PLEKHA2: variants seen among roughly 807,000 people sequenced by gnomAD.
The protein encoded by PLEKHA2 is pleckstrin homology domain containing A2, also known as pleckstrin homology domain-containing family A member 2.
A neutral mutation model predicts 53.2 loss-of-function variants in PLEKHA2; 28 were observed. The ratio of observed to expected loss-of-function variants is 0.53; its 90% CI spans 0.39 to 0.72. PLEKHA2 has a LOEUF of 0.72. Ranked by LOEUF, PLEKHA2 falls within the 30% of genes least tolerant of loss-of-function variation. The pLI is 0.00. For synonymous variants in PLEKHA2, 193 were observed against 196.4 expected (o/e 0.98, Z 0.14); for missense variants, 426 against 537.9 (o/e 0.79, Z 2.06).
Position 38,918,455 on chromosome 8 carries a change from C to A in PLEKHA2, c.141+385C>A, listed in dbSNP as rs1404891122. Among the ~76,000 whole-genome samples the A allele has an allele frequency of 4.6e-5, 3 of 65,460 alleles. No individual in the cohort carries two copies. The East Asian group carries it at 1.5e-3, about 33-fold the overall frequency. 42.9% of individuals were successfully genotyped at this position (65,460 alleles called of 152,430 possible). On this transcript the variant is annotated intron_variant, in intron 2 of 11. Coordinates refer to ENST00000617275, the MANE Select transcript of PLEKHA2 (RefSeq NM_021623.2). ...ACCATACACACACACAACCCATACA[C>A]CATACACACATGCACACACGACACA...
chr8:38,917,773 G>A, intron 1 of PLEKHA2, 134 bp from the exon 2 acceptor site: 1 of 990,788 alleles, frequency 1.0e-6, no homozygotes, highest in Non-Finnish European at 1.5e-6. Flanking sequence ...CCAGGGTCTG[G>A]GATGGAACAT....
intron 1 of PLEKHA2, among the ~76,000 whole-genome samples, chr8:38,914,667 C>A (rs901374266): frequency 6.6e-6 from 1 of 152,226 alleles, no homozygotes; most frequent in African/African-American, 2.4e-5. Context: ...CTTTGGGATC[C>A]CTTGTGGGAC....
At chr8:38,935,288 C>T (rs937980680) in intron 2 of PLEKHA2, among the ~76,000 whole-genome samples, 13 of 152,120 alleles carry the variant, frequency 8.5e-5, no homozygotes, top group African/African-American at 2.4e-4. Flanking sequence ...GGATTACAGA[C>T]GTGAGCCACT....
intron 3 of PLEKHA2, among the ~76,000 whole-genome samples, chr8:38,943,481 A>G (rs986467682): frequency 4.6e-5 from 7 of 152,036 alleles, no homozygotes; most frequent in Non-Finnish European, 8.8e-5. Context: ...GTGAGACCCT[A>G]TATCTAAATA....
chr8:38,953,407 A>G (rs1252395282), intron 9 of PLEKHA2, 40 bp downstream of exon 9: 3 of 1,529,360 alleles, frequency 2.0e-6, no homozygotes, highest in Non-Finnish European at 2.7e-6. Flanking sequence ...CCAAACCTCC[A>G]TTTGTCCTCT....
At chr8:38,967,730 C>T (rs1393249772) in intron 10 of PLEKHA2, among the ~76,000 whole-genome samples, 5 of 149,216 alleles carry the variant, frequency 3.4e-5, no homozygotes, top group Non-Finnish European at 7.4e-5. Flanking sequence ...GGTGTGATCT[C>T]GGCTCACTGC....
At chr8:38,945,767 G>A (rs1413990005) in intron 4 of PLEKHA2, among the ~76,000 whole-genome samples, 5 of 152,148 alleles carry the variant, frequency 3.3e-5, no homozygotes, top group African/African-American at 1.2e-4. Context: ...TGTATATACC[G>A]TGATGACAGT....
chr8:38,962,014 G>A (rs1416943537), intron 10 of PLEKHA2, among the ~76,000 whole-genome samples: 2 of 152,222 alleles, frequency 1.3e-5, no homozygotes, highest in Non-Finnish European at 2.9e-5. Flanking sequence ...ACTATAAGTA[G>A]TATAAGTTTA....
At chr8:38,953,490 CTAACACCTTG>C (rs1449061307) in intron 9 of PLEKHA2, 123 bp downstream of exon 9, 5 of 1,004,822 alleles carry the variant, frequency 5.0e-6, no homozygotes, top group Non-Finnish European at 7.7e-6. Flanking sequence ...GCACAGGAGC[CTAACACCTTG>C]TGGCTGACTC....
At chr8:38,924,479 G>A (rs760089753) in intron 2 of PLEKHA2, among the ~76,000 whole-genome samples, 12 of 152,224 alleles carry the variant, frequency 7.9e-5, no homozygotes, top group Admixed American at 1.3e-4. Flanking sequence ...TGTGAACTCA[G>A]GTGGAGGTCT....
intron 5 of PLEKHA2, chr8:38,950,551 T>G (rs1834813794): frequency 3.8e-6 from 1 of 266,122 alleles, no homozygotes; most frequent in East Asian, 7.3e-5. Context: ...GCCGTGAAGG[T>G]GGGGACCCAC....
chr8:38,947,530 G>T (rs1834737773), intron 5 of PLEKHA2, among the ~76,000 whole-genome samples: 1 of 152,198 alleles, frequency 6.6e-6, no homozygotes, highest in African/African-American at 2.4e-5. Context: ...GGCTGAGGCA[G>T]GAGGATCACT....
rs551668042 is a variant in PLEKHA2 at position 38,958,812 on chromosome 8, G to A, written c.837+1426G>A. Among the ~76,000 whole-genome samples the A allele has an allele frequency of 2.6e-4, 40 of 152,234 alleles. 1 individual carries two copies. Among genetic ancestry groups the A allele is most frequent in the African/African-American group, 9.1e-4 (38 of 41,534 alleles). ...GTGCTGGGCATTTTGTCTCAGGCTGGGGACACCAGGTTAAACAGAACAGAT... is the reference window on the plus strand; with the variant it reads ...GTGCTGGGCATTTTGTCTCAGGCTGAGGACACCAGGTTAAACAGAACAGAT... On this transcript the variant is annotated intron_variant, in intron 10 of 11. Transcript: ENST00000617275.
At chr8:38,934,174 T>A (rs961872440) in intron 2 of PLEKHA2, among the ~76,000 whole-genome samples, 1 of 151,672 alleles carries the variant, frequency 6.6e-6, no homozygotes, top group Non-Finnish European at 1.5e-5. Context: ...ATATATATAA[T>A]GTTTTTATAG....
chr8:38,942,685 A>T (rs576901563), intron 3 of PLEKHA2, among the ~76,000 whole-genome samples: 1 of 152,112 alleles, frequency 6.6e-6, no homozygotes, highest in Non-Finnish European at 1.5e-5. Context: ...TCCATCAAGG[A>T]TTGTCCCTAA....
In PLEKHA2 at chr8:38,935,983, G is replaced by A. The variant is rs1396773219; in HGVS notation, c.142-11G>A. 2 of 1,612,984 alleles carry A rather than the reference G, an allele frequency of 1.2e-6. No individual in the cohort carries two copies. The highest frequency in any genetic ancestry group is 1.3e-5 in the African/African-American group (1 of 75,016). On this transcript the variant is annotated splice_polypyrimidine_tract_variant and intron_variant, in intron 2 of 11. Coordinates refer to ENST00000617275, the MANE Select transcript of PLEKHA2 (RefSeq NM_021623.2). ...ACAGCCTTCTTAAAATGAAAACTAT[G>A]TGTCTTTCAGAATCTGGCAATGGGG...
intron 1 of PLEKHA2, among the ~76,000 whole-genome samples, chr8:38,917,608 T>G (rs1834083268): frequency 6.6e-6 from 1 of 152,158 alleles, no homozygotes; most frequent in Non-Finnish European, 1.5e-5. Context: ...TATCCAGAAC[T>G]GGAATTTGAA....
chr8:38,949,667 A>G (rs1834789042), intron 5 of PLEKHA2, among the ~76,000 whole-genome samples: 1 of 152,236 alleles, frequency 6.6e-6, no homozygotes, highest in South Asian at 2.1e-4. Flanking sequence ...TTCTTCCAAA[A>G]GGGCTCTGTG....
intron 11 of PLEKHA2, among the ~76,000 whole-genome samples, 170 bp from the exon 12 acceptor site, chr8:38,969,251 T>C (rs1431074625): frequency 1.3e-5 from 2 of 152,142 alleles, no homozygotes; most frequent in Admixed American, 6.5e-5. Context: ...CAGGCTGACG[T>C]TGACACATTT....
Sources: allele counts gnomAD v4.1 joint callset (sites outside exome capture counted in the v4.1 genomes callset), GRCh38; gene constraint gnomAD v4.1.1; transcripts MANE v1.5; gene names NCBI Gene and HGNC (gene_info 2026-07-23, HGNC 2026-07-21).